Variants in CACNB2 observed in about 807,000 individuals in gnomAD.
CACNB2 encodes voltage-dependent L-type calcium channel subunit beta-2.
Under a neutral mutation model 73.3 loss-of-function variants are expected in CACNB2, and 42 were observed. That is an observed-to-expected ratio of 0.57 (90% CI 0.45 to 0.74). The LOEUF is 0.74. Ranked by LOEUF, CACNB2 falls within the 30% of genes least tolerant of loss-of-function variation. The probability of loss-of-function intolerance (pLI) is 0.00; values close to 1 mark genes in which losing one functional copy is unlikely to be tolerated. For synonymous variants in CACNB2, 348 were observed against 310.3 expected (o/e 1.12, Z -1.28); for missense variants, 940 against 853.0 (o/e 1.10, Z -1.27).
chr10:18,339,495 C>G (rs755313350), intron 2 of CACNB2, among the ~76,000 whole-genome samples: 1 of 151,942 alleles, frequency 6.6e-6, no homozygotes, highest in African/African-American at 2.4e-5. Flanking sequence ...CACTACAGCC[C>G]GGGCAACACA....
chr10:18,379,800 T>C (rs927617799), intron 2 of CACNB2, among the ~76,000 whole-genome samples: 17 of 152,118 alleles, frequency 1.1e-4, no homozygotes, highest in Admixed American at 9.8e-4. Flanking sequence ...GATTATCCCA[T>C]CTCAGCCTCC....
At position 18,523,948 on chromosome 10, in the gene CACNB2, T is replaced by C. The variant is rs145425265; in HGVS notation, c.945-3640T>C. Among the ~76,000 whole-genome samples, 110 of 152,342 alleles carry C rather than the reference T, an allele frequency of 7.2e-4. 1 individual carries two copies. Among genetic ancestry groups the C allele is most frequent in the Middle Eastern group, 6.8e-3 (2 of 294 alleles). On this transcript the variant is annotated intron_variant, in intron 9 of 13. Transcript: ENST00000324631. ...TTTCTTTTCTGAAACCCACTTAAAT[T>C]CATTTGCAGCAGCCCTAGGGGGTTG...
intron 2 of CACNB2, among the ~76,000 whole-genome samples, chr10:18,215,495 A>C (rs983884791): frequency 6.6e-6 from 1 of 152,236 alleles, no homozygotes; most frequent in African/African-American, 2.4e-5. Context: ...AAAGGAGGGC[A>C]CAAACTGAAG....
chr10:18,432,325 C>T (rs1041360457), intron 3 of CACNB2, among the ~76,000 whole-genome samples: 1 of 152,034 alleles, frequency 6.6e-6, no homozygotes, highest in Admixed American at 6.6e-5. Context: ...ATAATCCTTC[C>T]CTCCTGCCCC....
At chr10:18,444,744 G>T (rs1176096483) in intron 3 of CACNB2, among the ~76,000 whole-genome samples, 1 of 152,168 alleles carries the variant, frequency 6.6e-6, no homozygotes, top group Non-Finnish European at 1.5e-5. Context: ...AAAGATTGCT[G>T]TGAGAATTCA....
intron 9 of CACNB2, among the ~76,000 whole-genome samples, chr10:18,527,367 ACT>A (rs1056764745): frequency 1.3e-5 from 2 of 151,892 alleles, no homozygotes; most frequent in South Asian, 2.1e-4. Context: ...CCTGGGCGAG[ACT>A]CTGTCTCAAA....
At chr10:18,347,618 G>T (rs991646998) in intron 2 of CACNB2, among the ~76,000 whole-genome samples, 1 of 151,842 alleles carries the variant, frequency 6.6e-6, no homozygotes, top group Non-Finnish European at 1.5e-5. Context: ...GCTCTGTCTG[G>T]AAGGCTATAA....
At chr10:18,414,482 C>CATTTTTTTTTTTTTTTTTTTT in intron 3 of CACNB2, among the ~76,000 whole-genome samples, 1 of 102,524 alleles carries the variant, frequency 9.8e-6, no homozygotes, top group African/African-American at 4.1e-5. Context: ...GTTACTACTA[C>CATTTTTTTTTTTTTTTTTTTT]CTTTTTTTTT....
chr10:18,484,255 G>A (rs181877443), intron 3 of CACNB2, among the ~76,000 whole-genome samples: 98 of 152,030 alleles, frequency 6.4e-4, no homozygotes, highest in African/African-American at 2.2e-3. Context: ...TTAGCCGGGC[G>A]TGGTGGCGGG....
chr10:18,393,385 G>A (rs530380691), intron 2 of CACNB2, among the ~76,000 whole-genome samples: 2 of 152,100 alleles, frequency 1.3e-5, no homozygotes, highest in African/African-American at 4.8e-5. Flanking sequence ...TTTCAAAATG[G>A]TTCCTTTGGA....
intron 2 of CACNB2, among the ~76,000 whole-genome samples, chr10:18,309,816 G>A (rs529817390): frequency 1.3e-5 from 2 of 152,182 alleles, no homozygotes; most frequent in African/African-American, 2.4e-5. Context: ...ATAGATGTCC[G>A]GATAAACAGT....
intron 1 of CACNB2, among the ~76,000 whole-genome samples, chr10:18,149,699 T>C (rs2031335617): frequency 6.6e-6 from 1 of 152,170 alleles, no homozygotes; most frequent in Non-Finnish European, 1.5e-5. Context: ...AATGTGATGA[T>C]TTTAAAAATA....
At chr10:18,315,499 TAAAAAAAAA>T (rs756721525) in intron 2 of CACNB2, among the ~76,000 whole-genome samples, 33 of 39,520 alleles carry the variant, frequency 8.4e-4, no homozygotes, top group African/African-American at 2.8e-3. Context: ...TGTCTCTATT[TAAAAAAAAA>T]AAAAAAAAAA....
chr10:18,314,689 T>G (rs1056157447), intron 2 of CACNB2, among the ~76,000 whole-genome samples: 1 of 152,178 alleles, frequency 6.6e-6, no homozygotes, highest in Non-Finnish European at 1.5e-5. Context: ...AAAACATTTT[T>G]TCATACACAT....
intron 2 of CACNB2, among the ~76,000 whole-genome samples, chr10:18,167,402 C>T (rs988503982): frequency 4.6e-5 from 7 of 152,078 alleles, no homozygotes; most frequent in African/African-American, 1.7e-4. Context: ...ACCTTACCAT[C>T]ATGCAATATT....
chr10:18,220,242 G>T (rs1174075438), intron 2 of CACNB2, among the ~76,000 whole-genome samples: 942 of 88,718 alleles, frequency 0.011, 6 homozygotes, highest in African/African-American at 0.015. Flanking sequence ...TAGAGAGAGA[G>T]AGAGAGAGAG....
intron 2 of CACNB2, among the ~76,000 whole-genome samples, chr10:18,365,327 TATAGAG>T: frequency 6.6e-6 from 1 of 152,214 alleles, no homozygotes; most frequent in Non-Finnish European, 1.5e-5. Flanking sequence ...GAGAGGACAA[TATAGAG>T]ATTCTTTAAG....
intron 2 of CACNB2, among the ~76,000 whole-genome samples, chr10:18,270,293 C>A (rs1013120644): frequency 6.6e-6 from 1 of 152,128 alleles, no homozygotes; most frequent in African/African-American, 2.4e-5. Context: ...CAGTCACCTC[C>A]CACTGGGTCC....
intron 6 of CACNB2, among the ~76,000 whole-genome samples, chr10:18,512,898 G>A (rs910479395): frequency 6.6e-6 from 1 of 152,106 alleles, no homozygotes; most frequent in Non-Finnish European, 1.5e-5. Context: ...CTTTTGAAGC[G>A]CCGGTTGTGT....
Sources: gnomAD v4.1 joint callset for allele counts (sites outside exome capture counted in the v4.1 genomes callset) on GRCh38, gnomAD v4.1.1 for gene constraint, MANE v1.5 for transcripts, NCBI Gene and HGNC (gene_info 2026-07-23, HGNC 2026-07-21) for gene names.